ADGRL2: variants seen among roughly 807,000 people sequenced by gnomAD.
ADGRL2 encodes calcium-independent alpha-latrotoxin receptor 2.
Under a neutral mutation model 157.4 loss-of-function variants are expected in ADGRL2, and 44 were observed. The observed-to-expected ratio is 0.28, with a 90% CI of 0.22 to 0.36. The LOEUF is 0.36. ADGRL2 is among the 10% of genes least tolerant of loss of function. The pLI is 1.00. For synonymous variants in ADGRL2, 585 were observed against 624.7 expected (o/e 0.94, Z 0.95); for missense variants, 1,510 against 1,768.9 (o/e 0.85, Z 2.63).
At chr1:81,672,394 C>T (rs2082893997) in intron 3 of ADGRL2, among the ~76,000 whole-genome samples, 1 of 152,136 alleles carries the variant, frequency 6.6e-6, no homozygotes, top group Non-Finnish European at 1.5e-5. Flanking sequence ...TTAACAGTGT[C>T]CTGTGGTATG....
chr1:81,386,976 G>A (rs576233598), intron 1 of ADGRL2, among the ~76,000 whole-genome samples: 16 of 152,204 alleles, frequency 1.1e-4, no homozygotes, highest in African/African-American at 3.4e-4. Context: ...CTGAGACCAG[G>A]CTTTTGCTTG....
At chr1:81,782,140 T>A (rs1194154957) in intron 2 of ADGRL2, among the ~76,000 whole-genome samples, 1 of 152,196 alleles carries the variant, frequency 6.6e-6, no homozygotes, top group Non-Finnish European at 1.5e-5. Context: ...ATGCTGGTCA[T>A]AAACTACCAG....
chr1:81,449,029 T>C (rs2077656804), intron 2 of ADGRL2, among the ~76,000 whole-genome samples: 1 of 152,232 alleles, frequency 6.6e-6, no homozygotes, highest in Admixed American at 6.5e-5. Flanking sequence ...CATTTCAGTA[T>C]AATAAATTAT....
At chr1:81,719,537 T>C (rs2084227003) in intron 1 of ADGRL2, among the ~76,000 whole-genome samples, 4 of 152,196 alleles carry the variant, frequency 2.6e-5, no homozygotes, top group Admixed American at 2.0e-4. Context: ...GCTGTTATCA[T>C]GTCAAATCTT....
Position 81,887,093 on chromosome 1 carries a change from A to G in ADGRL2, c.74-19924A>G, listed in dbSNP as rs1033484662. Among the ~76,000 whole-genome samples, 83 of 152,244 alleles carry G rather than the reference A, an allele frequency of 5.5e-4. 5 individuals carry two copies. Among genetic ancestry groups the G allele is most frequent in the Non-Finnish European group, 1.3e-4 (9 of 68,032 alleles). On this transcript the variant is annotated intron_variant, in intron 2 of 23. Coordinates refer to ENST00000686636, the MANE Select transcript of ADGRL2 (RefSeq NM_001366006.2). ...ATGTTTAATATGGAATATTATAAGT[A>G]AATTCATACACTGATACTAAATACG...
At chr1:81,539,471 C>T (rs1215198995) in intron 2 of ADGRL2, among the ~76,000 whole-genome samples, 1 of 152,194 alleles carries the variant, frequency 6.6e-6, no homozygotes, top group Non-Finnish European at 1.5e-5. Flanking sequence ...CTCAGATTTT[C>T]AGCCACTAAT....
rs570910786 is a variant in ADGRL2 at position 81,896,203 on chromosome 1, A to T, written c.74-10814A>T. Among the ~76,000 whole-genome samples the T allele has an allele frequency of 8.3e-4, 127 of 152,338 alleles. 1 individual carries two copies. The Middle Eastern group carries it at 0.01, about 12-fold the overall frequency. On this transcript the variant is annotated intron_variant, in intron 2 of 23. Transcript: ENST00000686636. ...TCTTTGTTGACAGTGAATACATTAT[A>T]CAGAGTTACTTAAGAATTTTAATTT...
At chr1:81,650,371 A>AC (rs749852202) in intron 3 of ADGRL2, among the ~76,000 whole-genome samples, 2 of 147,810 alleles carry the variant, frequency 1.4e-5, no homozygotes, top group Non-Finnish European at 3.0e-5. Flanking sequence ...AGAGATCGAG[A>AC]CCATCCTGGC....
rs371864236 is a variant in ADGRL2, at chr1:81,516,426, A to G, written c.-247-64450A>G. ...TGTTCCAAGATTCTTTGTTATTTAG[A>G]TTCCTGCATTTTCTTCCTGCATCTT... is the stretch of plus-strand genomic sequence containing the variant. On this transcript the variant is annotated intron_variant, in intron 2 of 24. Transcript: ENST00000370721. Among the ~76,000 whole-genome samples, 10 of 152,210 alleles carry G rather than the reference A, an allele frequency of 6.6e-5. No individual in the cohort carries two copies. The East Asian group carries it at 1.6e-3, about 24-fold the overall frequency.
chr1:81,848,989 A>G (rs1462263188), intron 2 of ADGRL2, among the ~76,000 whole-genome samples: 17 of 151,926 alleles, frequency 1.1e-4, no homozygotes, highest in Non-Finnish European at 1.5e-5. Context: ...TTTGCTTACA[A>G]CAGGAAGCTC....
chr1:81,950,932 C>T (rs1391115145), intron 7 of ADGRL2, 86 bp from the exon 8 acceptor site: 12 of 831,676 alleles, frequency 1.4e-5, no homozygotes, highest in Admixed American at 9.4e-5. Flanking sequence ...AAATTTAACA[C>T]GCAGAGCAGG....
chr1:81,774,619 T>A (rs2086505005), intron 2 of ADGRL2, among the ~76,000 whole-genome samples: 1 of 152,208 alleles, frequency 6.6e-6, no homozygotes, highest in Non-Finnish European at 1.5e-5. Context: ...TTTTTGCCCA[T>A]CTTTTTATTA....
chr1:81,476,614 T>C (rs1331933786), intron 2 of ADGRL2, among the ~76,000 whole-genome samples: 1 of 152,188 alleles, frequency 6.6e-6, no homozygotes, highest in Non-Finnish European at 1.5e-5. Context: ...CCCATTTTCC[T>C]GTCAATTCTT....
chr1:81,684,849 T>C (rs2083196661), intron 3 of ADGRL2, among the ~76,000 whole-genome samples: 1 of 152,216 alleles, frequency 6.6e-6, no homozygotes, highest in Non-Finnish European at 1.5e-5. Flanking sequence ...CTCCTACATG[T>C]GGCTAGCCAA....
chr1:81,993,085 ATATTTTTTT>A lies in ADGRL2; in HGVS notation c.*1942_*1950del, dbSNP rs1358439662. 3.1e-5 allele frequency among the ~76,000 whole-genome samples: 1 copy of A among 32,106 alleles called. No individual in the cohort carries two copies. The highest frequency in any genetic ancestry group is 4.9e-5 in the Non-Finnish European group (1 of 20,302). 21.1% of individuals were successfully genotyped at this position (32,106 alleles called of 152,430 possible). A position where few individuals can be genotyped will look rare whatever the true frequency, so the allele number is the denominator to read the frequency against. ...TATATATATATATATATATATATAT[ATATTTTTTT>A]TTTTTTTTTTTTTTTTTTTTTTTTT... On this transcript the variant is annotated 3_prime_UTR_variant, in exon 24 of 24. Transcript: ENST00000686636.
intron 2 of ADGRL2, among the ~76,000 whole-genome samples, chr1:81,860,550 A>G (rs537646321): frequency 2.6e-5 from 4 of 152,284 alleles, no homozygotes; most frequent in African/African-American, 4.8e-5. Flanking sequence ...CATATAATGT[A>G]TGAGTTCAGT....
intron 3 of ADGRL2, among the ~76,000 whole-genome samples, chr1:81,587,268 C>T (rs2081046552): frequency 1.3e-5 from 2 of 151,962 alleles, no homozygotes; most frequent in South Asian, 4.2e-4. Context: ...TGACAAGCAT[C>T]ATAATACAAG....
intron 1 of ADGRL2, among the ~76,000 whole-genome samples, chr1:81,820,431 ACT>A (rs2090867029): frequency 6.6e-6 from 1 of 152,110 alleles, no homozygotes; most frequent in Non-Finnish European, 1.5e-5. Flanking sequence ...ATACATGGAA[ACT>A]CTCAGTAAAT....
intron 2 of ADGRL2, among the ~76,000 whole-genome samples, chr1:81,450,508 G>C (rs1047110926): frequency 3.3e-5 from 5 of 152,088 alleles, no homozygotes; most frequent in Non-Finnish European, 5.9e-5. Flanking sequence ...GCAGAGCCAG[G>C]ATTTGAACCC....
Sources: allele counts gnomAD v4.1 joint callset (sites outside exome capture counted in the v4.1 genomes callset), GRCh38; gene constraint gnomAD v4.1.1; transcripts MANE v1.5; gene names NCBI Gene and HGNC (gene_info 2026-07-23, HGNC 2026-07-21).